GRIK4: variants seen among roughly 807,000 people sequenced by gnomAD.
The protein encoded by GRIK4 is glutamate receptor ionotropic, kainate 4.
In GRIK4, 40 loss-of-function variants were observed where a neutral mutation model predicts 104.9. The ratio of observed to expected loss-of-function variants is 0.38; its 90% CI spans 0.30 to 0.50. GRIK4 has a LOEUF of 0.50. Ranked by LOEUF, GRIK4 falls within the 20% of genes least tolerant of loss-of-function variation. The pLI, the probability that GRIK4 is intolerant of heterozygous loss-of-function variation, is 0.93. For missense variants in GRIK4, 1,047 were observed against 1,308.1 expected, an observed-to-expected ratio of 0.80 and a Z score of 3.08; for synonymous variants, 485 against 524.9, an observed-to-expected ratio of 0.92 and a Z score of 1.04.
chr11:120,661,324 C>T (rs866772285), intron 3 of GRIK4, among the ~76,000 whole-genome samples: 47 of 152,128 alleles, frequency 3.1e-4, no homozygotes, highest in African/African-American at 9.7e-4. Flanking sequence ...GGCCACAAGA[C>T]GACCCATCCA....
intron 3 of GRIK4, among the ~76,000 whole-genome samples, chr11:120,737,264 C>T (rs1377030523): frequency 6.6e-6 from 1 of 152,152 alleles, no homozygotes; most frequent in African/African-American, 2.4e-5. Flanking sequence ...AAATGAGGGG[C>T]AGCATCTCTG....
At chr11:120,926,161 G>C (rs151090220) in intron 13 of GRIK4, among the ~76,000 whole-genome samples, 12 of 152,188 alleles carry the variant, frequency 7.9e-5, no homozygotes, top group Middle Eastern at 6.8e-3. Flanking sequence ...GCCTCTCTGG[G>C]CTTTGCCACA....
Position 120,549,189 on chromosome 11 carries a change from CCTGGGTTCAAGCAATT to C in GRIK4, c.-159+37305_-159+37320del, listed in dbSNP as rs903377706. 7.2e-5 allele frequency among the ~76,000 whole-genome samples: 11 copies of C among 152,186 alleles called. No individual in the cohort carries two copies. Among genetic ancestry groups the C allele is most frequent in the African/African-American group, 2.6e-4 (11 of 41,528 alleles). Reference sequence around the variant, plus strand: ...TCTCAGCTCACTGCAACCTCTGCTTCCTGGGTTCAAGCAATTCTACTGCCTCAGCCTCCCAAGTAGC... The same window carrying C: ...TCTCAGCTCACTGCAACCTCTGCTTCCTACTGCCTCAGCCTCCCAAGTAGC... On this transcript the variant is annotated intron_variant, in intron 1 of 20. Coordinates refer to ENST00000527524, the MANE Select transcript of GRIK4 (RefSeq NM_014619.5). The surrounding 1 kb of genome is among the most constrained non-coding windows in gnomAD (Gnocchi z 4.7).
chr11:120,519,864 G>T (rs61900864), intron 1 of GRIK4, among the ~76,000 whole-genome samples: 1 of 120,440 alleles, frequency 8.3e-6, no homozygotes, highest in Non-Finnish European at 1.6e-5. Flanking sequence ...CCTCACTACT[G>T]GTTTTTTTTT....
intron 3 of GRIK4, among the ~76,000 whole-genome samples, chr11:120,703,747 T>C (rs1950587351): frequency 6.6e-6 from 1 of 152,200 alleles, no homozygotes. Flanking sequence ...AGATTGTACC[T>C]ATTATTACCA....
intron 20 of GRIK4, among the ~76,000 whole-genome samples, chr11:120,983,007 T>G (rs890899297): frequency 2.0e-5 from 3 of 152,084 alleles, no homozygotes; most frequent in Non-Finnish European, 2.9e-5. Context: ...TCTGCATGCG[T>G]AGAGCTTCAT....
intron 18 of GRIK4, among the ~76,000 whole-genome samples, chr11:120,966,866 A>G (rs7939112): frequency 0.8 from 121,416 of 152,088 alleles, 48,699 homozygotes; most frequent in African/African-American, 0.83. Flanking sequence ...CGGCTGGGGA[A>G]GTGGATGGCA....
At chr11:120,636,055 C>T (rs945819811) in intron 1 of GRIK4, among the ~76,000 whole-genome samples, 4 of 152,214 alleles carry the variant, frequency 2.6e-5, no homozygotes, top group East Asian at 1.9e-4. Flanking sequence ...GGCTTTCCTT[C>T]GTTCAACGTT....
chr11:120,685,343 C>T (rs1950258580), intron 3 of GRIK4, among the ~76,000 whole-genome samples: 1 of 152,192 alleles, frequency 6.6e-6, no homozygotes, highest in Non-Finnish European at 1.5e-5. Flanking sequence ...CATCAAATCC[C>T]CAGGTGATTC....
At position 120,511,848 on chromosome 11, in the gene GRIK4, C is replaced by CCGGCCCCCGGCT. The variant is rs1394124839; in HGVS notation, c.-196_-185dup. ...AGCCCCGCGGCCGGCCCGGCAGCGCCCGGCCCCCGGCTCAGCCCCCGGAGT... is the reference window on the plus strand; with the variant it reads ...AGCCCCGCGGCCGGCCCGGCAGCGCCCGGCCCCCGGCTCGGCCCCCGGCTCAGCCCCCGGAGT... On this transcript the variant is annotated 5_prime_UTR_variant, in exon 1 of 21. Transcript: ENST00000527524. 39 of 349,702 alleles carry CCGGCCCCCGGCT rather than the reference C, an allele frequency of 1.1e-4. No homozygotes were observed. Among genetic ancestry groups the CCGGCCCCCGGCT allele is most frequent in the Middle Eastern group, 9.5e-4 (1 of 1,050 alleles). The allele number at this position is 349,702 out of a possible 1,614,324, so 21.7% of individuals were successfully genotyped here.
rs1473934300 is a variant in GRIK4 at position 120,967,424 on chromosome 11, T to C, written c.2395+101T>C. 3.8e-6 allele frequency: 5 copies of C among 1,299,574 alleles called. No homozygotes were observed. The highest frequency in any genetic ancestry group is 2.3e-5 in the Admixed American group (1 of 42,594). 80.5% of individuals were successfully genotyped at this position (1,299,574 alleles called of 1,614,324 possible). On this transcript the variant is annotated intron_variant, in intron 19 of 20. Transcript: ENST00000527524. The surrounding 1 kb of genome is among the most constrained non-coding windows in gnomAD (Gnocchi z 4.2). The stretch of plus-strand genomic sequence containing the variant: ...TACACATAATGACTTGTAGGACCCA[T>C]TGAGAACGGCCTTGGAAGGAACCTA...
At chr11:120,888,865 A>T (rs868430561) in intron 11 of GRIK4, among the ~76,000 whole-genome samples, 1 of 152,204 alleles carries the variant, frequency 6.6e-6, no homozygotes, top group African/African-American at 2.4e-5. Context: ...TAACCCACTA[A>T]TGGGTTGCAA....
chr11:120,854,599 G>A (rs1404667176), intron 8 of GRIK4, among the ~76,000 whole-genome samples: 1 of 152,188 alleles, frequency 6.6e-6, no homozygotes, highest in Non-Finnish European at 1.5e-5. Context: ...GCTTCAGGAA[G>A]GCCTCCGCAC....
intron 3 of GRIK4, among the ~76,000 whole-genome samples, chr11:120,778,127 T>C (rs1328461661): frequency 6.6e-6 from 1 of 152,214 alleles, no homozygotes; most frequent in Non-Finnish European, 1.5e-5. Context: ...TATCATGTTA[T>C]AATGATTTGC....
intron 1 of GRIK4, among the ~76,000 whole-genome samples, chr11:120,572,362 A>G (rs1294733278): frequency 6.6e-6 from 1 of 152,232 alleles, no homozygotes; most frequent in Non-Finnish European, 1.5e-5. Flanking sequence ...GCGCTTGCCC[A>G]GAAAAATTTC....
At chr11:120,834,299 T>TGTGTGTGG (rs1555075102) in intron 7 of GRIK4, among the ~76,000 whole-genome samples, 1 of 149,418 alleles carries the variant, frequency 6.7e-6, no homozygotes, top group South Asian at 2.1e-4. Context: ...TGTGTGTGTG[T>TGTGTGTGG]GGCCATGCTT....
At chr11:120,603,966 C>G (rs866869506) in intron 1 of GRIK4, among the ~76,000 whole-genome samples, 1 of 151,720 alleles carries the variant, frequency 6.6e-6, no homozygotes, top group Non-Finnish European at 1.5e-5. Flanking sequence ...GTCAGGAGAT[C>G]GAGACCATCC....
At chr11:120,701,287 A>C (rs923828267) in intron 3 of GRIK4, among the ~76,000 whole-genome samples, 8 of 151,978 alleles carry the variant, frequency 5.3e-5, no homozygotes, top group Non-Finnish European at 8.8e-5. Flanking sequence ...CTACCCCTCT[A>C]CCATGCCCAC....
intron 2 of GRIK4, among the ~76,000 whole-genome samples, chr11:120,654,564 T>C (rs907927343): frequency 2.0e-5 from 3 of 152,054 alleles, no homozygotes; most frequent in African/African-American, 7.2e-5. Flanking sequence ...GGTTTCACCA[T>C]GTTGGCCAGG....
Sources: gnomAD v4.1 joint callset for allele counts (sites outside exome capture counted in the v4.1 genomes callset) on GRCh38, gnomAD v4.1.1 for gene constraint, Gnocchi (gnomAD v3.1) non-coding constraint, MANE v1.5 for transcripts, NCBI Gene and HGNC (gene_info 2026-07-23, HGNC 2026-07-21) for gene names.